RUFY2: variants seen among roughly 807,000 people sequenced by gnomAD.
The protein encoded by RUFY2 is RUN and FYVE domain containing 2.
A neutral mutation model predicts 94.4 loss-of-function variants in RUFY2; 49 were observed. The ratio of observed to expected loss-of-function variants is 0.52; its 90% CI spans 0.41 to 0.66. RUFY2 has a LOEUF of 0.66. Ranked by LOEUF, RUFY2 falls within the 30% of genes least tolerant of loss-of-function variation. RUFY2 has a pLI of 0.00. For missense variants in RUFY2, 541 were observed against 692.8 expected (o/e 0.78, Z 2.46); for synonymous variants, 255 against 235.7 (o/e 1.08, Z -0.75).
intron 8 of RUFY2, among the ~76,000 whole-genome samples, chr10:68,385,576 T>G (rs1250727008): frequency 6.6e-6 from 1 of 152,136 alleles, no homozygotes; most frequent in Non-Finnish European, 1.5e-5. Context: ...CGGTATCATT[T>G]TAACAAGAAT....
chr10:68,368,784 A>G (rs902341359), intron 13 of RUFY2, among the ~76,000 whole-genome samples: 1 of 152,202 alleles, frequency 6.6e-6, no homozygotes, highest in African/African-American at 2.4e-5. Flanking sequence ...TCTCATATAT[A>G]GCTCATATTG....
At chr10:68,359,148 G>A (rs1475044719) in intron 15 of RUFY2, among the ~76,000 whole-genome samples, 5 of 152,012 alleles carry the variant, frequency 3.3e-5, no homozygotes, top group Non-Finnish European at 7.4e-5. Context: ...GGAGGCCAAG[G>A]TGGGTGGATC....
downstream of RUFY2, chr10:68,341,316 G>C: frequency 6.3e-7 from 1 of 1,597,440 alleles, no homozygotes; most frequent in Non-Finnish European, 8.5e-7. Flanking sequence ...ATGCGTAAGT[G>C]GTGTCTTTGG....
At chr10:68,403,057 G>A in intron 2 of RUFY2, among the ~76,000 whole-genome samples, 1 of 151,018 alleles carries the variant, frequency 6.6e-6, no homozygotes, top group South Asian at 2.1e-4. Flanking sequence ...TGCTGGCCAG[G>A]CTGATCTCGA....
chr10:68,370,448 C>CTTTT (rs949829713), intron 13 of RUFY2, among the ~76,000 whole-genome samples: 8 of 126,156 alleles, frequency 6.3e-5, no homozygotes, highest in Admixed American at 8.5e-5. Flanking sequence ...TTTCTTTTTT[C>CTTTT]TTTTTTTTTT....
At chr10:68,343,306 C>T (rs916212096), downstream of RUFY2, 4 of 152,242 alleles carry the variant, frequency 2.6e-5, no homozygotes, top group African/African-American at 9.7e-5. Flanking sequence ...CCGGGGCAGC[C>T]TATATATGTG....
At chr10:68,392,639 C>T (rs1196146051) in intron 7 of RUFY2, among the ~76,000 whole-genome samples, 1 of 151,672 alleles carries the variant, frequency 6.6e-6, no homozygotes, top group African/African-American at 2.4e-5. Context: ...ACCTGACTCT[C>T]GGGCCAGGCG....
At chr10:68,376,485 TA>T (rs1564816326) in intron 13 of RUFY2, among the ~76,000 whole-genome samples, 1 of 74,992 alleles carries the variant, frequency 1.3e-5, no homozygotes, top group Non-Finnish European at 3.2e-5. Flanking sequence ...TATATATATA[TA>T]TATATTCTCA....
chr10:68,394,818 A>G (rs1190167675), intron 4 of RUFY2, among the ~76,000 whole-genome samples: 1 of 151,422 alleles, frequency 6.6e-6, no homozygotes, highest in African/African-American at 2.4e-5. Context: ...TTTAGTAGAG[A>G]CGGGGTTTCA....
intron 16 of RUFY2, among the ~76,000 whole-genome samples, chr10:68,354,867 G>GA (rs1420934143): frequency 2.9e-5 from 4 of 140,268 alleles, no homozygotes; most frequent in African/African-American, 8.1e-5. Context: ...TTTTTTTTGA[G>GA]AAAGAGTCTC....
At chr10:68,348,955 T>C (rs2046466792) in intron 16 of RUFY2, among the ~76,000 whole-genome samples, 1 of 151,888 alleles carries the variant, frequency 6.6e-6, no homozygotes, top group Non-Finnish European at 1.5e-5. Context: ...TTCCAGAAAG[T>C]TAGCTGCTAG....
chr10:68,361,424 G>A (rs962616292), intron 15 of RUFY2, among the ~76,000 whole-genome samples: 2 of 152,196 alleles, frequency 1.3e-5, no homozygotes, highest in African/African-American at 4.8e-5. Context: ...ATTGCTCACT[G>A]TTGAGTCTCT....
At chr10:68,382,215 A>ATT (rs778111970) in intron 10 of RUFY2, among the ~76,000 whole-genome samples, 1 of 140,390 alleles carries the variant, frequency 7.1e-6, no homozygotes. Flanking sequence ...TGACTGGCTA[A>ATT]TTTTTTTTTT....
At chr10:68,407,040 A>G in intron 1 of RUFY2, 146 bp downstream of exon 1, 2 of 1,478,154 alleles carry the variant, frequency 1.4e-6, no homozygotes, top group South Asian at 2.7e-5. Context: ...CCCGAGTCCC[A>G]GGCAGTCCCC....
chr10:68,404,795 A>T lies in RUFY2; in HGVS notation c.54T>A (p.Ala18=). 1.2e-6 allele frequency: 2 copies of T among 1,613,076 alleles called. No homozygotes were observed. The highest frequency in any genetic ancestry group is 1.7e-6 in the Non-Finnish European group (2 of 1,179,646). The change falls in exon 2 of 18, where the codon GCT becomes GCA. Residue 18 remains alanine (A), a synonymous_variant. Coordinates refer to ENST00000602465, the MANE Select transcript of RUFY2 (RefSeq NM_001330103.2). ...CAATGAGTCCTTTGATACTCAGTTT[A>T]GCCATGTTTAACAAGTTTGCTCTCT... ...AVERANLLNM[A]KLSIKGLIES... is the part of the protein sequence containing the mutation.
chr10:68,378,665 T>C (rs369384691), intron 12 of RUFY2: 1 of 1,609,686 alleles, frequency 6.2e-7, no homozygotes, highest in Non-Finnish European at 8.5e-7. Flanking sequence ...TAACAAATCG[T>C]TGTCACTTCA....
chr10:68,350,304 C>G (rs1056517073), intron 16 of RUFY2, among the ~76,000 whole-genome samples: 1 of 152,320 alleles, frequency 6.6e-6, no homozygotes, highest in Non-Finnish European at 1.5e-5. Context: ...AGCCACCATG[C>G]TTGGCCTAAT....
intron 2 of RUFY2, among the ~76,000 whole-genome samples, chr10:68,403,148 T>TG (rs2050992798): frequency 1.5e-5 from 2 of 132,174 alleles, no homozygotes. Flanking sequence ...ACCCAGCCAC[T>TG]TTTTTTTTTA....
At chr10:68,346,876 T>C (rs1477523474) in intron 16 of RUFY2, among the ~76,000 whole-genome samples, 1 of 152,184 alleles carries the variant, frequency 6.6e-6, no homozygotes, top group African/African-American at 2.4e-5. Flanking sequence ...TGGAGTTCAT[T>C]ATTTTATAAG....
Sources: allele counts gnomAD v4.1 joint callset (sites outside exome capture counted in the v4.1 genomes callset), GRCh38; gene constraint gnomAD v4.1.1; transcripts MANE v1.5; gene names NCBI Gene and HGNC (gene_info 2026-07-23, HGNC 2026-07-21).